The following DIP2C variants were observed in gnomAD, a reference collection of about 807,000 sequenced individuals.
The protein encoded by DIP2C is DIP2 acetate--CoA ligase C (putative).
In DIP2C, 33 loss-of-function variants were observed where a neutral mutation model predicts 192.4. The observed-to-expected ratio is 0.17, with a 90% CI of 0.13 to 0.23. The LOEUF is 0.23. Among genes scored for constraint, DIP2C ranks in the 10% least tolerant of loss-of-function variants. The pLI is 1.00. For missense variants in DIP2C, 1,537 were observed against 2,110.1 expected, an observed-to-expected ratio of 0.73 and a Z score of 5.32; for synonymous variants, 979 against 864.1, an observed-to-expected ratio of 1.13 and a Z score of -2.33.
At chr10:484,662 G>A in intron 2 of DIP2C, 1 of 1,374,700 alleles carries the variant, frequency 7.3e-7, no homozygotes, top group Non-Finnish European at 9.6e-7. Flanking sequence ...ACTGGAGAAT[G>A]GGACCCTCAG....
chr10:365,923 C>CAAGGGGCTGTA (rs1960136612), intron 19 of DIP2C, among the ~76,000 whole-genome samples: 1 of 152,226 alleles, frequency 6.6e-6, no homozygotes, highest in Non-Finnish European at 1.5e-5. Flanking sequence ...TAGCCCAGGC[C>CAAGGGGCTGTA]AAGGGGCTGT....
chr10:590,569 C>A (rs17159711), intron 1 of DIP2C, among the ~76,000 whole-genome samples: 6,319 of 152,228 alleles, frequency 0.042, 164 homozygotes, highest in East Asian at 0.08. Flanking sequence ...ATTCACATTT[C>A]GATTCAACAA....
chr10:625,552 A>G (rs1854145140), intron 1 of DIP2C, among the ~76,000 whole-genome samples: 1 of 152,162 alleles, frequency 6.6e-6, no homozygotes, highest in Non-Finnish European at 1.5e-5. Context: ...AGACAGCGTG[A>G]CCGTCGCCCA....
At chr10:601,498 A>C (rs1322039043) in intron 1 of DIP2C, among the ~76,000 whole-genome samples, 1 of 152,192 alleles carries the variant, frequency 6.6e-6, no homozygotes, top group African/African-American at 2.4e-5. Context: ...TTTCAATTCT[A>C]CCTGAAGCTG....
intron 4 of DIP2C, among the ~76,000 whole-genome samples, chr10:426,704 C>T (rs923992326): frequency 3.9e-5 from 6 of 152,188 alleles, no homozygotes; most frequent in African/African-American, 1.2e-4. Context: ...CTTATATTTA[C>T]GGTCAATTTA....
At chr10:506,001 C>T (rs777157730) in intron 1 of DIP2C, among the ~76,000 whole-genome samples, 11 of 152,010 alleles carry the variant, frequency 7.2e-5, no homozygotes, top group Admixed American at 2.0e-4. Flanking sequence ...GGATTAGGAA[C>T]GCAGGTGACA....
intron 32 of DIP2C, among the ~76,000 whole-genome samples, chr10:308,413 C>T (rs116632280): frequency 0.019 from 2,847 of 151,470 alleles, 140 homozygotes; most frequent in African/African-American, 0.066. Flanking sequence ...GAAAAGGTTA[C>T]GCTTTGAGGG....
At chr10:557,928 C>G (rs1848996584) in intron 1 of DIP2C, among the ~76,000 whole-genome samples, 1 of 149,800 alleles carries the variant, frequency 6.7e-6, no homozygotes, top group South Asian at 2.1e-4. Context: ...AAGGGGGAAA[C>G]CCCAGAGGGC....
chr10:312,514 G>C (rs1956608274), intron 31 of DIP2C, among the ~76,000 whole-genome samples: 1 of 152,150 alleles, frequency 6.6e-6, no homozygotes, highest in Non-Finnish European at 1.5e-5. Context: ...AGTGGAAACG[G>C]AGTTAAGTGG....
chr10:347,395 C>A (rs1958535547), intron 26 of DIP2C, among the ~76,000 whole-genome samples: 1 of 147,962 alleles, frequency 6.8e-6, no homozygotes, highest in African/African-American at 2.5e-5. Flanking sequence ...GGAAACGTCA[C>A]ACGCACCCGG....
At chr10:336,748 C>A (rs1420390325) in intron 29 of DIP2C, among the ~76,000 whole-genome samples, 1 of 152,202 alleles carries the variant, frequency 6.6e-6, no homozygotes, top group African/African-American at 2.4e-5. Context: ...TGCGTCCTGT[C>A]CCTGAAGGCC....
chr10:323,639 A>AT (rs1366651853), intron 31 of DIP2C, among the ~76,000 whole-genome samples: 1 of 152,248 alleles, frequency 6.6e-6, no homozygotes, highest in East Asian at 1.9e-4. Flanking sequence ...ACATCAAATG[A>AT]TTAATTGTGA....
At chr10:466,095 A>G (rs28793300) in intron 3 of DIP2C, among the ~76,000 whole-genome samples, 120,991 of 144,392 alleles carry the variant, frequency 0.84, 53,550 homozygotes, top group Non-Finnish European at 0.97. Context: ...ATCCTAAGCC[A>G]AAAGAACAAA....
rs536599173 is a variant in DIP2C, at chr10:463,762, C to A, written c.268+8677G>T. Among the ~76,000 whole-genome samples the A allele has an allele frequency of 2.4e-4, 37 of 152,202 alleles. 1 individual carries two copies. In the South Asian group the frequency reaches 6.6e-3, roughly 27 times the overall value. Reference sequence around the variant, plus strand: ...CAAACTATAGACAAGGCTACAGTAACCAAAACAGCATGGTACTGGTACCAA... The same window carrying A: ...CAAACTATAGACAAGGCTACAGTAAACAAAACAGCATGGTACTGGTACCAA... On this transcript the variant is annotated intron_variant, in intron 3 of 36. Coordinates refer to ENST00000280886, the MANE Select transcript of DIP2C (RefSeq NM_014974.3).
chr10:461,918 T>C lies in DIP2C; in HGVS notation c.268+10521A>G, dbSNP rs780868095. ...AATACATGGAAACTGAACAACCTGC[T>C]CCTGAATGACTACTGGGTAAATAAT... On this transcript the variant is annotated intron_variant, in intron 3 of 36. Coordinates refer to ENST00000280886, the MANE Select transcript of DIP2C (RefSeq NM_014974.3). Among the ~76,000 whole-genome samples the C allele has an allele frequency of 1.3e-4, 20 of 152,256 alleles. 1 individual carries two copies. Among genetic ancestry groups the C allele is most frequent in the Non-Finnish European group, 8.8e-5 (6 of 68,028 alleles).
intron 1 of DIP2C, among the ~76,000 whole-genome samples, chr10:557,495 C>G (rs947793522): frequency 1.3e-5 from 2 of 151,392 alleles, no homozygotes; most frequent in Non-Finnish European, 2.9e-5. Flanking sequence ...GCTGGCCTCA[C>G]CTGGGCTGTC....
intron 29 of DIP2C, among the ~76,000 whole-genome samples, chr10:340,182 A>G (rs973537897): frequency 1.3e-5 from 2 of 151,934 alleles, no homozygotes; most frequent in African/African-American, 4.8e-5. Context: ...CTGTCTCAAA[A>G]AAAAAAAAAG....
intron 1 of DIP2C, among the ~76,000 whole-genome samples, chr10:561,395 C>G (rs1849210302): frequency 6.6e-6 from 1 of 152,190 alleles, no homozygotes; most frequent in Non-Finnish European, 1.5e-5. Context: ...ACCCCTGAAG[C>G]AGCAGCTCTC....
intron 32 of DIP2C, among the ~76,000 whole-genome samples, chr10:291,492 T>A (rs1288682983): frequency 6.6e-6 from 1 of 152,186 alleles, no homozygotes; most frequent in Non-Finnish European, 1.5e-5. Context: ...ACCCCGTATC[T>A]AAGGGCAGAA....
Sources: allele counts gnomAD v4.1 joint callset (sites outside exome capture counted in the v4.1 genomes callset), GRCh38; gene constraint gnomAD v4.1.1; transcripts MANE v1.5; gene names NCBI Gene and HGNC (gene_info 2026-07-23, HGNC 2026-07-21).